Variants in PTPRM observed in about 807,000 individuals in gnomAD.
The protein encoded by PTPRM is receptor-type tyrosine-protein phosphatase mu.
PTPRM carries 47 observed loss-of-function variants against 186.7 expected under a neutral mutation model. That is an observed-to-expected ratio of 0.25 (90% CI 0.20 to 0.32). The LOEUF (loss-of-function observed/expected upper bound fraction) is 0.32. Ranked by LOEUF, PTPRM falls within the 10% of genes least tolerant of loss-of-function variation. The pLI is 1.00. For synonymous variants in PTPRM, 668 were observed against 674.9 expected, an observed-to-expected ratio of 0.99 and a Z score of 0.16; for missense variants, 1,494 against 1,865.0, an observed-to-expected ratio of 0.80 and a Z score of 3.66.
chr18:7,841,734 CT>C (rs1048701024), intron 2 of PTPRM, among the ~76,000 whole-genome samples: 5 of 152,120 alleles, frequency 3.3e-5, no homozygotes, highest in Non-Finnish European at 5.9e-5. Flanking sequence ...AATGAAATGC[CT>C]TACACTACTG....
At chr18:8,302,436 G>A (rs1471247259) in intron 20 of PTPRM, among the ~76,000 whole-genome samples, 2 of 152,068 alleles carry the variant, frequency 1.3e-5, no homozygotes, top group Non-Finnish European at 2.9e-5. Flanking sequence ...AGCCTTCTGG[G>A]GCAGGTTGAG....
intron 14 of PTPRM, among the ~76,000 whole-genome samples, chr18:8,233,414 A>G (rs1222540016): frequency 2.6e-5 from 4 of 152,142 alleles, no homozygotes; most frequent in Admixed American, 1.3e-4. Flanking sequence ...TCCTTATAAC[A>G]TATGGTGCAG....
At chr18:8,224,862 T>C (rs2094195034) in intron 14 of PTPRM, among the ~76,000 whole-genome samples, 2 of 152,224 alleles carry the variant, frequency 1.3e-5, no homozygotes, top group Non-Finnish European at 2.9e-5. Context: ...CACTAGAGGA[T>C]TAATTGATTC....
intron 2 of PTPRM, among the ~76,000 whole-genome samples, chr18:7,834,025 C>G (rs2045898839): frequency 6.6e-6 from 1 of 151,924 alleles, no homozygotes; most frequent in Non-Finnish European, 1.5e-5. Flanking sequence ...AGAGGGAGTT[C>G]TTGTCATGTT....
chr18:8,131,736 A>G (rs912774646), intron 13 of PTPRM, among the ~76,000 whole-genome samples: 1 of 152,228 alleles, frequency 6.6e-6, no homozygotes, highest in Non-Finnish European at 1.5e-5. Flanking sequence ...AGACAAATAT[A>G]AAGCTATTTG....
chr18:7,984,520 A>C (rs528143528), intron 7 of PTPRM, among the ~76,000 whole-genome samples: 166 of 140,220 alleles, frequency 1.2e-3, no homozygotes, highest in African/African-American at 4.1e-3. Flanking sequence ...TAATTTTTTT[A>C]ATTTTTAATT....
At chr18:7,701,557 G>A (rs561913253) in intron 1 of PTPRM, among the ~76,000 whole-genome samples, 6 of 151,670 alleles carry the variant, frequency 4.0e-5, no homozygotes, top group African/African-American at 7.3e-5. Context: ...CTGAGATTGC[G>A]CCACTGCACT....
At chr18:7,657,241 T>C (rs1380063118) in intron 1 of PTPRM, among the ~76,000 whole-genome samples, 1 of 152,180 alleles carries the variant, frequency 6.6e-6, no homozygotes, top group Non-Finnish European at 1.5e-5. Flanking sequence ...GGATCTGCCA[T>C]TGACAGCAAC....
In PTPRM at chr18:8,406,297, A is replaced by G. The variant is rs1381784121; in HGVS notation, c.*135A>G. ...ATAATTGGCTCTTTTTAAGAGCCCAAGAAAGTGTTTCTAAAATTGCTTGCA... is the reference window on the plus strand; with the variant it reads ...ATAATTGGCTCTTTTTAAGAGCCCAGGAAAGTGTTTCTAAAATTGCTTGCA... On this transcript the variant is annotated 3_prime_UTR_variant, in exon 33 of 33. Transcript: ENST00000580170. 7.4e-6 allele frequency: 6 copies of G among 811,298 alleles called. No individual in the cohort carries two copies. In the African/African-American group the frequency reaches 1.0e-4, roughly 14 times the overall value. 50.3% of individuals were successfully genotyped at this position (811,298 alleles called of 1,614,324 possible).
At chr18:8,341,691 C>CA (rs1555879317) in intron 22 of PTPRM, among the ~76,000 whole-genome samples, 1 of 151,926 alleles carries the variant, frequency 6.6e-6, no homozygotes, top group East Asian at 1.9e-4. Flanking sequence ...AGCCCCCCCC[C>CA]CTTTGATTCA....
chr18:7,635,997 AG>A (rs2038303291), intron 1 of PTPRM, among the ~76,000 whole-genome samples: 1 of 152,222 alleles, frequency 6.6e-6, no homozygotes, highest in Admixed American at 6.5e-5. Flanking sequence ...TGTTTGGGAA[AG>A]GTAGGAAGAG....
At chr18:8,202,845 C>A (rs2093876694) in intron 14 of PTPRM, among the ~76,000 whole-genome samples, 1 of 152,084 alleles carries the variant, frequency 6.6e-6, no homozygotes, top group Non-Finnish European at 1.5e-5. Flanking sequence ...GTAGACGTTT[C>A]TTTCTATTTG....
chr18:7,907,300 A>G (rs1479155800), intron 4 of PTPRM, among the ~76,000 whole-genome samples: 4 of 152,208 alleles, frequency 2.6e-5, no homozygotes, highest in Non-Finnish European at 5.9e-5. Flanking sequence ...TAGTCTGCAC[A>G]CAGCAACAGA....
intron 1 of PTPRM, among the ~76,000 whole-genome samples, chr18:7,727,431 C>A (rs1459319284): frequency 6.6e-6 from 1 of 152,146 alleles, no homozygotes; most frequent in Non-Finnish European, 1.5e-5. Context: ...TAGTACTAAT[C>A]ATTAATGATT....
At chr18:8,178,142 T>C (rs1468990782) in intron 14 of PTPRM, among the ~76,000 whole-genome samples, 1 of 152,212 alleles carries the variant, frequency 6.6e-6, no homozygotes, top group Non-Finnish European at 1.5e-5. Context: ...TAGCCGATTC[T>C]AGTATGTGCC....
intron 2 of PTPRM, among the ~76,000 whole-genome samples, chr18:7,812,018 A>T (rs2044546177): frequency 6.6e-6 from 1 of 152,214 alleles, no homozygotes; most frequent in African/African-American, 2.4e-5. Flanking sequence ...TATAATAGTT[A>T]TGTCCATCAA....
chr18:7,629,713 AC>A (rs1253991071), intron 1 of PTPRM, among the ~76,000 whole-genome samples: 2 of 152,116 alleles, frequency 1.3e-5, no homozygotes. Context: ...CACAACTGAA[AC>A]CATTTTAGCC....
intron 2 of PTPRM, among the ~76,000 whole-genome samples, chr18:7,783,617 G>A (rs1730043029): frequency 4.6e-5 from 7 of 152,060 alleles, no homozygotes; most frequent in Admixed American, 4.6e-4. Context: ...TGTTGCCTGT[G>A]TTGGAGTGCA....
intron 11 of PTPRM, among the ~76,000 whole-genome samples, chr18:8,097,101 T>C (rs1044010104): frequency 1.3e-5 from 2 of 152,230 alleles, no homozygotes; most frequent in Admixed American, 6.5e-5. Context: ...CCAGCACTTA[T>C]AAGTATACTC....
Sources: gnomAD v4.1 joint callset for allele counts (sites outside exome capture counted in the v4.1 genomes callset) on GRCh38, gnomAD v4.1.1 for gene constraint, MANE v1.5 for transcripts, NCBI Gene and HGNC (gene_info 2026-07-23, HGNC 2026-07-21) for gene names.